PTPRD: variants seen among roughly 807,000 people sequenced by gnomAD.
PTPRD encodes the protein protein tyrosine phosphatase receptor type D.
A neutral mutation model predicts 214.5 loss-of-function variants in PTPRD; 34 were observed. The ratio of observed to expected loss-of-function variants is 0.16; its 90% CI spans 0.12 to 0.21. The LOEUF (loss-of-function observed/expected upper bound fraction) is 0.21, where lower values mean the gene tolerates loss of function less well. PTPRD is among the 10% of genes least tolerant of loss of function. PTPRD has a pLI of 1.00. For synonymous variants in PTPRD, 1,128 were observed against 845.7 expected, an observed-to-expected ratio of 1.33 and a Z score of -5.79; for missense variants, 2,545 against 2,398.7, an observed-to-expected ratio of 1.06 and a Z score of -1.27.
chr9:9,762,109 G>A (rs966711360), intron 6 of PTPRD, among the ~76,000 whole-genome samples: 1 of 152,128 alleles, frequency 6.6e-6, no homozygotes, highest in Non-Finnish European at 1.5e-5. Flanking sequence ...CATCACTCCA[G>A]GACAGTCCTG....
intron 12 of PTPRD, among the ~76,000 whole-genome samples, chr9:8,657,433 T>C (rs1325611286): frequency 6.6e-6 from 1 of 152,150 alleles, no homozygotes; most frequent in Non-Finnish European, 1.5e-5. Context: ...CCCCCCAAAG[T>C]GCTGGGATTA....
At chr9:8,884,683 C>T (rs1182997402) in intron 11 of PTPRD, among the ~76,000 whole-genome samples, 1 of 152,142 alleles carries the variant, frequency 6.6e-6, no homozygotes, top group Admixed American at 6.5e-5. Context: ...CTGCAGTAGG[C>T]AAATTGAAAT....
chr9:9,025,491 G>A (rs547473064), intron 10 of PTPRD, among the ~76,000 whole-genome samples: 8 of 152,072 alleles, frequency 5.3e-5, no homozygotes, highest in African/African-American at 1.9e-4. Context: ...CTTATTCCCT[G>A]ATAAAAGACT....
At chr9:8,843,023 T>C (rs2097591000) in intron 11 of PTPRD, among the ~76,000 whole-genome samples, 1 of 152,162 alleles carries the variant, frequency 6.6e-6, no homozygotes, top group Non-Finnish European at 1.5e-5. Context: ...CCTATTTAGA[T>C]GTTAAATTAC....
intron 11 of PTPRD, among the ~76,000 whole-genome samples, chr9:8,768,922 T>C (rs2094971822): frequency 6.6e-6 from 1 of 152,226 alleles, no homozygotes; most frequent in Non-Finnish European, 1.5e-5. Flanking sequence ...GGTAGTCTAA[T>C]GCCGTTCTTA....
At chr9:9,743,327 T>C (rs1432333355) in intron 6 of PTPRD, among the ~76,000 whole-genome samples, 1 of 152,208 alleles carries the variant, frequency 6.6e-6, no homozygotes, top group Non-Finnish European at 1.5e-5. Flanking sequence ...CTGACTTTAC[T>C]GCTTTTTAGA....
chr9:9,850,759 C>T (rs1291512349), intron 5 of PTPRD, among the ~76,000 whole-genome samples: 2 of 151,988 alleles, frequency 1.3e-5, no homozygotes, highest in East Asian at 1.9e-4. Context: ...CTATGTTGTC[C>T]TACATATTTT....
chr9:10,148,350 G>T (rs544653668), intron 3 of PTPRD, among the ~76,000 whole-genome samples: 1 of 152,132 alleles, frequency 6.6e-6, no homozygotes, highest in African/African-American at 2.4e-5. Context: ...GTACATAAGT[G>T]TATCTGGCAT....
At chr9:8,400,932 A>T (rs2092292036) in intron 36 of PTPRD, among the ~76,000 whole-genome samples, 1 of 152,202 alleles carries the variant, frequency 6.6e-6, no homozygotes, top group African/African-American at 2.4e-5. Flanking sequence ...GAAAACTGAT[A>T]TTCAGAGAAG....
At chr9:9,213,200 A>C (rs1017998439) in intron 9 of PTPRD, among the ~76,000 whole-genome samples, 1 of 152,154 alleles carries the variant, frequency 6.6e-6, no homozygotes, top group Non-Finnish European at 1.5e-5. Context: ...CTTGTTGCAG[A>C]GAATTGACTT....
intron 3 of PTPRD, among the ~76,000 whole-genome samples, chr9:10,285,396 T>C (rs1201965047): frequency 6.6e-6 from 1 of 152,166 alleles, no homozygotes; most frequent in African/African-American, 2.4e-5. Flanking sequence ...ATGTTGCATA[T>C]TCCCAAGTGC....
At chr9:9,900,619 A>G (rs886180608) in intron 5 of PTPRD, among the ~76,000 whole-genome samples, 2 of 143,596 alleles carry the variant, frequency 1.4e-5, no homozygotes, top group Non-Finnish European at 3.0e-5. Context: ...ACCCAGTTCC[A>G]AAGGTGCTTC....
chr9:9,037,749 A>G (rs956708643), intron 10 of PTPRD, among the ~76,000 whole-genome samples: 20 of 152,192 alleles, frequency 1.3e-4, no homozygotes, highest in Non-Finnish European at 1.9e-4. Context: ...TCATAGGATT[A>G]AGCATTTAAG....
chr9:9,479,059 T>C (rs948998626), intron 8 of PTPRD, among the ~76,000 whole-genome samples: 4 of 152,100 alleles, frequency 2.6e-5, no homozygotes, highest in African/African-American at 9.7e-5. Flanking sequence ...TAAAGTCTGT[T>C]TTTCCTTATG....
intron 5 of PTPRD, among the ~76,000 whole-genome samples, chr9:9,866,977 T>C (rs192866089): frequency 4.8e-4 from 73 of 152,148 alleles, no homozygotes; most frequent in Non-Finnish European, 1.8e-4. Flanking sequence ...TTTGTTTGAG[T>C]ATAGTCATGT....
At position 10,033,721 on chromosome 9, in the gene PTPRD, T is replaced by C. The variant is rs1256621094; in HGVS notation, c.-475A>G. 6.6e-6 allele frequency: 1 copy of C among 152,100 alleles called. No homozygotes were observed. The highest frequency in any genetic ancestry group is 2.4e-5 in the African/African-American group (1 of 41,448). 9.4% of individuals were successfully genotyped at this position (152,100 alleles called of 1,614,324 possible). On this transcript the variant is annotated 5_prime_UTR_variant, in exon 4 of 46. Transcript: ENST00000381196. Reference sequence around the variant, plus strand: ...AATTAGAATGAGTGAGACTTACCAATGTACAGCTTCCCCCTACAAGATGAT... The same window carrying C: ...AATTAGAATGAGTGAGACTTACCAACGTACAGCTTCCCCCTACAAGATGAT...
chr9:10,593,639 T>A (rs145358675), intron 2 of PTPRD, among the ~76,000 whole-genome samples: 1 of 152,048 alleles, frequency 6.6e-6, no homozygotes, highest in African/African-American at 2.4e-5. Context: ...CCTGTTTTAA[T>A]ATATATGACA....
intron 10 of PTPRD, among the ~76,000 whole-genome samples, chr9:9,165,913 C>T (rs1247739545): frequency 6.6e-6 from 1 of 151,924 alleles, no homozygotes; most frequent in Non-Finnish European, 1.5e-5. Context: ...ATAAAACAAC[C>T]AACTATAATC....
intron 5 of PTPRD, among the ~76,000 whole-genome samples, chr9:9,815,987 G>T (rs922780894): frequency 6.6e-6 from 1 of 152,058 alleles, no homozygotes; most frequent in Admixed American, 6.6e-5. Flanking sequence ...ATTGCAAAGC[G>T]AAAGTACACA....
Sources: allele counts gnomAD v4.1 joint callset (sites outside exome capture counted in the v4.1 genomes callset), GRCh38; gene constraint gnomAD v4.1.1; transcripts MANE v1.5; gene names NCBI Gene and HGNC (gene_info 2026-07-23, HGNC 2026-07-21).